Variants in ZNF578 observed in about 807,000 individuals in gnomAD.
ZNF578 encodes Putative chemokine-related protein B42.
Under a neutral mutation model 8.3 loss-of-function variants are expected in ZNF578, and 8 were observed. The observed-to-expected ratio is 0.96, with a 90% CI of 0.56 to 1.74. The LOEUF (loss-of-function observed/expected upper bound fraction) is 1.74, where lower values mean the gene tolerates loss of function less well. Ranked by LOEUF, ZNF578 falls within the 40% of genes most tolerant of loss-of-function variation. The probability of loss-of-function intolerance (pLI) is 0.00; values close to 1 mark genes in which losing one functional copy is unlikely to be tolerated. For synonymous variants in ZNF578, 206 were observed against 232.2 expected (o/e 0.89, Z 1.03); for missense variants, 726 against 707.5 (o/e 1.03, Z -0.30).
intron 5 of ZNF578, among the ~76,000 whole-genome samples, chr19:52,506,672 A>G (rs1370017381): frequency 6.6e-6 from 1 of 152,036 alleles, no homozygotes; most frequent in Non-Finnish European, 1.5e-5. Context: ...GTGTTTCACC[A>G]TACTGTCCTG....
chr19:52,468,718 C>T (rs1411837389), intron 2 of ZNF578, among the ~76,000 whole-genome samples: 2 of 152,168 alleles, frequency 1.3e-5, no homozygotes, highest in African/African-American at 2.4e-5. Context: ...GGGCACCATC[C>T]GATTGGCTGC....
At chr19:52,494,083 G>T (rs998419600) in intron 3 of ZNF578, among the ~76,000 whole-genome samples, 1 of 151,962 alleles carries the variant, frequency 6.6e-6, no homozygotes, top group African/African-American at 2.4e-5. Context: ...AGCAGGAGAG[G>T]AGAGGGGTAC....
At chr19:52,492,667 G>T (rs1411498530) in intron 3 of ZNF578, among the ~76,000 whole-genome samples, 1 of 152,212 alleles carries the variant, frequency 6.6e-6, no homozygotes, top group African/African-American at 2.4e-5. Flanking sequence ...CTGCCTGCCA[G>T]GCCAAGTGAT....
intron 3 of ZNF578, among the ~76,000 whole-genome samples, chr19:52,497,391 A>G (rs2059390760): frequency 6.6e-6 from 1 of 151,968 alleles, no homozygotes; most frequent in Non-Finnish European, 1.5e-5. Flanking sequence ...TGCTAATTTT[A>G]GTATTTTTGG....
Position 52,511,008 on chromosome 19 carries a change from G to C in ZNF578, c.627G>C (p.Gly209=), listed in dbSNP as rs775260952. 1.2e-6 allele frequency: 2 copies of C among 1,613,974 alleles called. No homozygotes were observed. The highest frequency in any genetic ancestry group is 1.3e-5 in the African/African-American group (1 of 74,896). The part of the protein sequence containing the change: ...RPETHTPNNY[G]NNFFHSSLLT... ...AAACACATACTCCTAATAACTATGGGAATAATTTTTTCCATTCATCATTAC... is the reference window on the plus strand; with the variant it reads ...AAACACATACTCCTAATAACTATGGCAATAATTTTTTCCATTCATCATTAC... Residue 209 remains glycine (G), a synonymous_variant, in exon 6 of 6, where the codon GGG becomes GGC. Transcript: ENST00000421239.
At chr19:52,497,566 A>G (rs1033833560) in intron 3 of ZNF578, among the ~76,000 whole-genome samples, 6 of 152,114 alleles carry the variant, frequency 3.9e-5, no homozygotes, top group African/African-American at 2.4e-5. Context: ...TTCTCCTTTG[A>G]GCCAAGATTT....
At chr19:52,478,909 TCAC>T (rs1568458858) in intron 2 of ZNF578, among the ~76,000 whole-genome samples, 2 of 151,822 alleles carry the variant, frequency 1.3e-5, no homozygotes, top group Non-Finnish European at 2.9e-5. Flanking sequence ...AGACAGGGCT[TCAC>T]CATATTTTTC....
At chr19:52,470,335 G>T (rs1252858608) in intron 2 of ZNF578, among the ~76,000 whole-genome samples, 1 of 152,132 alleles carries the variant, frequency 6.6e-6, no homozygotes, top group Non-Finnish European at 1.5e-5. Context: ...TGACCCGTGA[G>T]GAGGTGCGCT....
At chr19:52,475,742 G>A (rs577709346) in intron 2 of ZNF578, among the ~76,000 whole-genome samples, 1 of 152,140 alleles carries the variant, frequency 6.6e-6, no homozygotes, top group Non-Finnish European at 1.5e-5. Context: ...ACTTTCTGAG[G>A]CTGTACACTT....
intron 2 of ZNF578, among the ~76,000 whole-genome samples, chr19:52,467,013 A>G (rs2059277348): frequency 7.0e-6 from 1 of 143,440 alleles, no homozygotes; most frequent in African/African-American, 2.6e-5. Context: ...CTCTTGATTA[A>G]TTTTTTTTTT....
At chr19:52,485,579 C>T (rs1050611703) in intron 2 of ZNF578, among the ~76,000 whole-genome samples, 5 of 152,236 alleles carry the variant, frequency 3.3e-5, no homozygotes, top group East Asian at 1.9e-4. Context: ...ACTGTGTCTA[C>T]GTAGAAAGAA....
At chr19:52,488,719 G>C (rs548011086) in intron 2 of ZNF578, among the ~76,000 whole-genome samples, 9 of 152,092 alleles carry the variant, frequency 5.9e-5, no homozygotes, top group African/African-American at 2.2e-4. Context: ...AGGAGGCAGA[G>C]GTTGCAGTGA....
intron 4 of ZNF578, among the ~76,000 whole-genome samples, chr19:52,502,737 A>C (rs1334878173): frequency 6.6e-6 from 1 of 152,152 alleles, no homozygotes; most frequent in African/African-American, 2.4e-5. Flanking sequence ...ACTCTGTCTC[A>C]AAAGAAAAAG....
rs1375737081 is a variant in ZNF578 at position 52,515,863 on chromosome 19, C to G, written c.*3709C>G. On this transcript the variant is annotated 3_prime_UTR_variant, in exon 6 of 6. Coordinates refer to ENST00000421239, the MANE Select transcript of ZNF578 (RefSeq NM_001099694.2). The stretch of plus-strand genomic sequence containing the variant: ...TCAGACACAGAGACCATCTTCAAGG[C>G]CTTTCTCTGTATGAGGACATCACAG... 2.6e-5 allele frequency among the ~76,000 whole-genome samples: 4 copies of G among 152,090 alleles called. No individual in the cohort carries two copies.
intron 5 of ZNF578, among the ~76,000 whole-genome samples, chr19:52,507,396 CA>C (rs968653291): frequency 6.6e-6 from 1 of 151,656 alleles, no homozygotes; most frequent in Admixed American, 6.6e-5. Context: ...TGCCACAAAA[CA>C]AAACAAAAAA....
intron 2 of ZNF578, among the ~76,000 whole-genome samples, chr19:52,462,395 A>T (rs1249538169): frequency 6.6e-6 from 1 of 152,192 alleles, no homozygotes; most frequent in East Asian, 1.9e-4. Context: ...GAGAGGGCCC[A>T]TGAGTATCTG....
chr19:52,476,497 C>G (rs1289364067), intron 2 of ZNF578, among the ~76,000 whole-genome samples: 1 of 152,132 alleles, frequency 6.6e-6, no homozygotes, highest in Non-Finnish European at 1.5e-5. Context: ...TCTGTTTTTC[C>G]AGTTTCTCAT....
chr19:52,503,380 C>T (rs1426102583), intron 4 of ZNF578, among the ~76,000 whole-genome samples: 1 of 152,200 alleles, frequency 6.6e-6, no homozygotes, highest in Admixed American at 6.6e-5. Context: ...GAGTCTCTCT[C>T]TGTTGCCCAG....
At chr19:52,508,642 C>A (rs1476601851) in intron 5 of ZNF578, among the ~76,000 whole-genome samples, 4 of 151,040 alleles carry the variant, frequency 2.6e-5, no homozygotes, top group Non-Finnish European at 5.9e-5. Context: ...ACTAAAAATA[C>A]AAAATTATCG....
Sources: gnomAD v4.1 joint callset for allele counts (sites outside exome capture counted in the v4.1 genomes callset) on GRCh38, gnomAD v4.1.1 for gene constraint, MANE v1.5 for transcripts, NCBI Gene and HGNC (gene_info 2026-07-23, HGNC 2026-07-21) for gene names.